Variants in ASCC3 observed in about 807,000 individuals in gnomAD.
ASCC3 encodes the protein activating signal cointegrator 1 complex subunit 3.
Under a neutral mutation model 256.3 loss-of-function variants are expected in ASCC3, and 158 were observed. That is an observed-to-expected ratio of 0.62 (90% CI 0.54 to 0.70). The LOEUF (loss-of-function observed/expected upper bound fraction) is 0.70. ASCC3 is among the 30% of genes least tolerant of loss of function. The pLI, the probability that ASCC3 is intolerant of heterozygous loss-of-function variation, is 0.00. For synonymous variants in ASCC3, 948 were observed against 883.4 expected (o/e 1.07, Z -1.30); for missense variants, 2,259 against 2,626.0 (o/e 0.86, Z 3.05).
intron 13 of ASCC3, among the ~76,000 whole-genome samples, chr6:100,706,553 G>T (rs2115007233): frequency 6.6e-6 from 1 of 151,900 alleles, no homozygotes; most frequent in East Asian, 1.9e-4. Flanking sequence ...TAAATCAAGG[G>T]TTGCCAACTT....
intron 10 of ASCC3, among the ~76,000 whole-genome samples, chr6:100,733,544 C>T (rs556061690): frequency 1.4e-4 from 22 of 152,248 alleles, no homozygotes; most frequent in South Asian, 6.2e-4. Context: ...CCTCATCAGA[C>T]GCCGATGCCC....
chr6:100,802,094 A>C (rs994247526), intron 5 of ASCC3, among the ~76,000 whole-genome samples: 1 of 151,704 alleles, frequency 6.6e-6, no homozygotes. Context: ...AAAGCTTAAA[A>C]GGTCTAATTA....
At chr6:100,802,836 T>C (rs1403102147) in intron 5 of ASCC3, among the ~76,000 whole-genome samples, 1 of 149,990 alleles carries the variant, frequency 6.7e-6, no homozygotes, top group Admixed American at 6.7e-5. Flanking sequence ...CTCATCTTTA[T>C]AAAAAAAAAA....
At chr6:100,549,611 T>C (rs1316491153) in intron 36 of ASCC3, among the ~76,000 whole-genome samples, 2 of 151,888 alleles carry the variant, frequency 1.3e-5, no homozygotes, top group Admixed American at 1.3e-4. Context: ...CATTTCAACC[T>C]GTTTAAGCTC....
chr6:100,853,142 T>G (rs926567665), intron 3 of ASCC3, among the ~76,000 whole-genome samples: 2 of 152,148 alleles, frequency 1.3e-5, no homozygotes, highest in African/African-American at 2.4e-5. Flanking sequence ...CCTTACCATA[T>G]AAAATGATAT....
chr6:100,745,371 C>G (rs7742011), intron 10 of ASCC3, among the ~76,000 whole-genome samples: 68,930 of 150,894 alleles, frequency 0.46, 16,138 homozygotes, highest in Middle Eastern at 0.6. Context: ...TCCTGTAATT[C>G]CAGCTACTAG....
chr6:100,804,312 C>A (rs1187399555), intron 5 of ASCC3, among the ~76,000 whole-genome samples: 1 of 152,010 alleles, frequency 6.6e-6, no homozygotes, highest in East Asian at 1.9e-4. Context: ...AAACAGTGAT[C>A]ATTGTATTAT....
At chr6:100,535,862 T>C (rs892445466) in intron 37 of ASCC3, among the ~76,000 whole-genome samples, 6 of 152,316 alleles carry the variant, frequency 3.9e-5, no homozygotes, top group Admixed American at 3.3e-4. Flanking sequence ...CGAATGCTTA[T>C]AACTTAAAAT....
chr6:100,639,712 T>A (rs1231334742), intron 24 of ASCC3, among the ~76,000 whole-genome samples: 1 of 152,176 alleles, frequency 6.6e-6, no homozygotes, highest in Non-Finnish European at 1.5e-5. Flanking sequence ...AAAATTAATT[T>A]AAAAAATTAT....
intron 17 of ASCC3, 105 bp downstream of exon 17, chr6:100,655,594 C>T (rs1347019965): frequency 2.3e-6 from 3 of 1,314,302 alleles, no homozygotes; most frequent in African/African-American, 1.5e-5. Context: ...CTTCTAGGTA[C>T]CTCTTTTCAG....
intron 14 of ASCC3, among the ~76,000 whole-genome samples, chr6:100,676,772 A>T (rs1211399419): frequency 2.6e-5 from 4 of 152,094 alleles, no homozygotes; most frequent in African/African-American, 9.7e-5. Flanking sequence ...TCACACACAC[A>T]CACACACACA....
At chr6:100,566,128 A>G (rs1023516474) in intron 36 of ASCC3, among the ~76,000 whole-genome samples, 2 of 152,024 alleles carry the variant, frequency 1.3e-5, no homozygotes, top group Non-Finnish European at 2.9e-5. Flanking sequence ...CAAAACAAAA[A>G]CCTGTCTAGA....
chr6:100,619,671 T>C (rs969340198), intron 30 of ASCC3, among the ~76,000 whole-genome samples: 6 of 152,148 alleles, frequency 3.9e-5, no homozygotes, highest in African/African-American at 1.4e-4. Context: ...GTTGCAGAAA[T>C]ACAGAGTGGT....
chr6:100,697,030 G>A (rs1778117965), intron 13 of ASCC3, among the ~76,000 whole-genome samples: 1 of 152,018 alleles, frequency 6.6e-6, no homozygotes, highest in Non-Finnish European at 1.5e-5. Flanking sequence ...CTTGATCTAT[G>A]TTGAATCTTT....
At chr6:100,877,084 G>C (rs745381460) in intron 1 of ASCC3, among the ~76,000 whole-genome samples, 3 of 152,028 alleles carry the variant, frequency 2.0e-5, no homozygotes, top group African/African-American at 4.8e-5. Flanking sequence ...TCTAAAGATG[G>C]TCTGACTGCT....
chr6:100,818,503 T>G (rs376282876), intron 4 of ASCC3, among the ~76,000 whole-genome samples: 1 of 140,868 alleles, frequency 7.1e-6, no homozygotes, highest in African/African-American at 2.7e-5. Flanking sequence ...GGAGGCAAGG[T>G]GGAGGTTGCC....
chr6:100,715,823 A>C (rs1270041926), intron 12 of ASCC3, among the ~76,000 whole-genome samples: 3 of 151,760 alleles, frequency 2.0e-5, no homozygotes, highest in Non-Finnish European at 4.4e-5. Flanking sequence ...GTTAGTTACA[A>C]ATATTTTAGA....
intron 3 of ASCC3, among the ~76,000 whole-genome samples, chr6:100,852,664 A>G (rs1240856404): frequency 6.6e-6 from 1 of 152,240 alleles, no homozygotes; most frequent in African/African-American, 2.4e-5. Flanking sequence ...GGCCACAGAT[A>G]AATTGATACA....
At chr6:100,568,170 T>G (rs1253874793) in intron 36 of ASCC3, among the ~76,000 whole-genome samples, 3 of 151,744 alleles carry the variant, frequency 2.0e-5, no homozygotes, top group African/African-American at 4.8e-5. Flanking sequence ...GAATTTGAGA[T>G]CAGCCTGGCC....
Sources: gnomAD v4.1 joint callset for allele counts (sites outside exome capture counted in the v4.1 genomes callset) on GRCh38, gnomAD v4.1.1 for gene constraint, MANE v1.5 for transcripts, NCBI Gene and HGNC (gene_info 2026-07-23, HGNC 2026-07-21) for gene names.